The following NDE1 variants were observed in gnomAD, a reference collection of about 807,000 sequenced individuals.
The protein encoded by NDE1 is nudE neurodevelopment protein 1.
In NDE1, 28 loss-of-function variants were observed where a neutral mutation model predicts 43.4. The observed-to-expected ratio is 0.65, with a 90% CI of 0.48 to 0.89. The LOEUF is 0.89. Among genes scored for constraint, NDE1 ranks in the 40% least tolerant of loss-of-function variants. The probability of loss-of-function intolerance (pLI) is 0.00; values close to 1 mark genes in which losing one functional copy is unlikely to be tolerated. For synonymous variants in NDE1, 184 were observed against 172.0 expected (o/e 1.07, Z -0.55); for missense variants, 441 against 434.1 (o/e 1.02, Z -0.14).
chr16:15,643,423 G>T, exon 1 of NDE1: 1 of 464,702 alleles, frequency 2.2e-6, no homozygotes, highest in Non-Finnish European at 4.4e-6. Flanking sequence ...TTGTGGAGTC[G>T]AAAGGAACCT....
Position 15,677,804 on chromosome 16 carries a change from A to G in NDE1, c.241A>G (p.Lys81Glu). The change falls in exon 4 of 9, where the codon AAG becomes GAG. Residue 81 changes from lysine (K) to glutamate (E), a missense_variant. Coordinates refer to ENST00000396354, the MANE Select transcript of NDE1 (RefSeq NM_017668.3). ...CAGTGTCTGTGTTGTCCTTCAGGAG[A>G]AGTTTGAAGTGCAGCACTCTGAAGG... Reference protein sequence around the residue: ...LRMELETIKEKFEVQHSEGYR... With the variant: ...LRMELETIKEEFEVQHSEGYR... The G allele has an allele frequency of 6.2e-7, 1 of 1,613,928 alleles. No homozygotes were observed. The highest frequency in any genetic ancestry group is 1.1e-5 in the South Asian group (1 of 91,078).
At position 15,725,460 on chromosome 16, in the gene NDE1, T is replaced by G. The variant is rs2040706847; in HGVS notation, c.*1209T>G. The G allele has an allele frequency of 7.3e-6, 3 of 413,062 alleles. No homozygotes were observed. The highest frequency in any genetic ancestry group is 1.2e-5 in the Non-Finnish European group (3 of 246,904). The allele number at this position is 413,062 out of a possible 1,614,324, so 25.6% of individuals were successfully genotyped here. A position where few individuals can be genotyped will look rare whatever the true frequency, so the allele number is the denominator to read the frequency against. On this transcript the variant is annotated 3_prime_UTR_variant, in exon 9 of 9. Transcript: ENST00000396354. ...CCCTTCCTTCCTCACTCCTACTCTTTGACCCTGATGGCCAAAGCCAGAGAC... is the reference window on the plus strand; with the variant it reads ...CCCTTCCTTCCTCACTCCTACTCTTGGACCCTGATGGCCAAAGCCAGAGAC...
chr16:15,675,264 T>C (rs2037808781), intron 3 of NDE1, among the ~76,000 whole-genome samples: 1 of 151,296 alleles, frequency 6.6e-6, no homozygotes, highest in Non-Finnish European at 1.5e-5. Flanking sequence ...AATGGCACGA[T>C]CTGGGCTCAC....
chr16:15,655,627 G>A lies in NDE1; in HGVS notation c.-44+5333G>A, dbSNP rs142936543. Among the ~76,000 whole-genome samples, 101 of 152,168 alleles carry A rather than the reference G, an allele frequency of 6.6e-4. No homozygotes were observed. The Middle Eastern group carries it at 0.01, about 15-fold the overall frequency. On this transcript the variant is annotated intron_variant, in intron 1 of 8. Coordinates refer to ENST00000396354, the MANE Select transcript of NDE1 (RefSeq NM_017668.3). ...CATTTGACCCAGCCATCGCATTACT[G>A]GGTATATACCCAAAGGACTATAAAT...
upstream of NDE1, among the ~76,000 whole-genome samples, chr16:15,646,877 C>T (rs1489697476): frequency 6.6e-6 from 1 of 151,910 alleles, no homozygotes; most frequent in Non-Finnish European, 1.5e-5. Flanking sequence ...ATGGTGAAAC[C>T]CTGCCTCTAC....
chr16:15,718,041 G>A (rs113638033), intron 8 of NDE1: 259 of 546,152 alleles, frequency 4.7e-4, no homozygotes, highest in African/African-American at 4.3e-3. Flanking sequence ...AGCATCCCAA[G>A]GCCCGGACTC....
intron 8 of NDE1, among the ~76,000 whole-genome samples, chr16:15,707,079 C>G (rs763044670): frequency 6.6e-6 from 1 of 152,070 alleles, no homozygotes; most frequent in Non-Finnish European, 1.5e-5. Flanking sequence ...CGCTGTGTTG[C>G]CCAGGCTGGA....
Position 15,725,851 on chromosome 16 carries a change from C to A in NDE1, c.*1600C>A. The A allele has an allele frequency of 2.5e-6, 1 of 395,984 alleles. No individual in the cohort carries two copies. Among genetic ancestry groups the A allele is most frequent in the Non-Finnish European group, 4.4e-6 (1 of 224,780 alleles). The allele number at this position is 395,984 out of a possible 1,614,324, so 24.5% of individuals were successfully genotyped here. On this transcript the variant is annotated 3_prime_UTR_variant, in exon 9 of 9. Coordinates refer to ENST00000396354, the MANE Select transcript of NDE1 (RefSeq NM_017668.3). ...CATTCAGCAGCTTAAAACCCCTCAA[C>A]AGCTTCACATTGCCCAGAGTAAGGA... is the stretch of plus-strand genomic sequence containing the variant.
In NDE1 at chr16:15,695,292, G is replaced by A. The variant is rs1040574346; in HGVS notation, c.795+1036G>A. Among the ~76,000 whole-genome samples, 4 of 138,150 alleles carry A rather than the reference G, an allele frequency of 2.9e-5. No individual in the cohort carries two copies. The Admixed American group carries it at 3.3e-4, about 11-fold the overall frequency. 90.6% of individuals were successfully genotyped at this position (138,150 alleles called of 152,430 possible). On this transcript the variant is annotated intron_variant, in intron 7 of 8. Transcript: ENST00000396354. ...GGAGACCGAGATGGGTGGATCACCT[G>A]AAGTCAGGAATTCAAGACCAGCCTG...
intron 8 of NDE1, among the ~76,000 whole-genome samples, chr16:15,707,971 A>C (rs2039553392): frequency 6.6e-6 from 1 of 151,406 alleles, no homozygotes; most frequent in African/African-American, 2.4e-5. Flanking sequence ...AAAAAAAAAA[A>C]AAAAAAAAGC....
chr16:15,648,240 A>G (rs1242575065), upstream of NDE1, among the ~76,000 whole-genome samples: 1 of 152,030 alleles, frequency 6.6e-6, no homozygotes, highest in African/African-American at 2.4e-5. Context: ...TCCTTTAGTT[A>G]TTTTAAAATG....
Position 15,720,430 on chromosome 16 carries a change from C to T in NDE1, c.948-3761C>T. On this transcript the variant is annotated intron_variant, in intron 8 of 8. Transcript: ENST00000396354. ...CACAGCCCCCTTGTGAGGTGGGCAT[C>T]TCATCCCCAGTTGCAGATGAGAAAA... 5.9e-6 allele frequency: 8 copies of T among 1,358,586 alleles called. No individual in the cohort carries two copies. The South Asian group carries it at 1.0e-4, about 17-fold the overall frequency. 84.2% of individuals were successfully genotyped at this position (1,358,586 alleles called of 1,614,324 possible).
intron 3 of NDE1, among the ~76,000 whole-genome samples, chr16:15,674,294 A>T (rs1398563391): frequency 6.6e-6 from 1 of 152,060 alleles, no homozygotes; most frequent in Non-Finnish European, 1.5e-5. Context: ...CCCAGACTAG[A>T]GAACAGTGGC....
chr16:15,714,664 G>A (rs1404414819), intron 8 of NDE1: 1 of 596,434 alleles, frequency 1.7e-6, no homozygotes, highest in African/African-American at 1.9e-5. Context: ...CGGAGGACCG[G>A]ATGGGAGACG....
Position 15,725,047 on chromosome 16 carries a change from A to G in NDE1, c.*796A>G. On this transcript the variant is annotated 3_prime_UTR_variant, in exon 9 of 9. Coordinates refer to ENST00000396354, the MANE Select transcript of NDE1 (RefSeq NM_017668.3). ...AGCCTCTAGAAGGGGATCCTCGTTG[A>G]AAGGAGCCCTTTTTACTCAAAACAC... is the stretch of plus-strand genomic sequence containing the variant. 6.7e-7 allele frequency: 1 copy of G among 1,483,896 alleles called. No individual in the cohort carries two copies. Among genetic ancestry groups the G allele is most frequent in the Non-Finnish European group, 9.3e-7 (1 of 1,072,658 alleles). 91.9% of individuals were successfully genotyped at this position (1,483,896 alleles called of 1,614,324 possible).
chr16:15,720,884 G>A, intron 8 of NDE1: 1 of 1,613,890 alleles, frequency 6.2e-7, no homozygotes, highest in South Asian at 1.1e-5. Context: ...GCTCGTCCCG[G>A]GCTTGGAGAT....
chr16:15,663,011 C>T (rs569152332), intron 1 of NDE1, among the ~76,000 whole-genome samples: 2 of 152,302 alleles, frequency 1.3e-5, no homozygotes, highest in African/African-American at 4.8e-5. Context: ...ACTCTCTTCC[C>T]TAACTTTCTC....
At chr16:15,669,227 T>C (rs1160448101) in intron 3 of NDE1, among the ~76,000 whole-genome samples, 1 of 150,598 alleles carries the variant, frequency 6.6e-6, no homozygotes, top group African/African-American at 2.4e-5. Context: ...GGAGTCTTGC[T>C]CTGTTGCCCA....
At chr16:15,689,887 C>G (rs544060115) in intron 5 of NDE1, among the ~76,000 whole-genome samples, 190 of 147,594 alleles carry the variant, frequency 1.3e-3, no homozygotes, top group African/African-American at 4.5e-3. Flanking sequence ...TACAGTGAGC[C>G]GAGACTGTGC....
Sources: gnomAD v4.1 joint callset for allele counts (sites outside exome capture counted in the v4.1 genomes callset) on GRCh38, gnomAD v4.1.1 for gene constraint, MANE v1.5 for transcripts, NCBI Gene and HGNC (gene_info 2026-07-23, HGNC 2026-07-21) for gene names.